The following USP3 variants were observed in gnomAD, a reference collection of about 807,000 sequenced individuals.
USP3 encodes the protein ubiquitin specific peptidase 3.
Under a neutral mutation model 72.3 loss-of-function variants are expected in USP3, and 20 were observed. The observed-to-expected ratio is 0.28, with a 90% CI of 0.19 to 0.40. The LOEUF (loss-of-function observed/expected upper bound fraction) is 0.40. Among genes scored for constraint, USP3 ranks in the 10% least tolerant of loss-of-function variants. The pLI is 1.00. For missense variants in USP3, 479 were observed against 633.9 expected (o/e 0.76, Z 2.62); for synonymous variants, 222 against 225.3 (o/e 0.99, Z 0.13).
At chr15:63,566,647 A>G (rs77892656) in intron 8 of USP3, among the ~76,000 whole-genome samples, 2,520 of 152,278 alleles carry the variant, frequency 0.017, 36 homozygotes, top group South Asian at 0.038. Context: ...TTATTTAACA[A>G]TAGTCTTTTT....
At position 63,558,197 on chromosome 15, in the gene USP3, A is replaced by G; in HGVS notation, c.533+9A>G. 1 of 1,613,896 alleles carries G rather than the reference A, an allele frequency of 6.2e-7. No individual in the cohort carries two copies. The highest frequency in any genetic ancestry group is 8.5e-7 in the Non-Finnish European group (1 of 1,179,956). On this transcript the variant is annotated intron_variant, in intron 6 of 14. Coordinates refer to ENST00000380324, the MANE Select transcript of USP3 (RefSeq NM_006537.4). ...ATCCTTCAGTCACTCAGGTAACGCT[A>G]CAGTCAGAGCTTAAGTGTCTGACAT...
At chr15:63,546,627 T>C (rs2066332311) in intron 3 of USP3, among the ~76,000 whole-genome samples, 1 of 152,096 alleles carries the variant, frequency 6.6e-6, no homozygotes, top group African/African-American at 2.4e-5. Context: ...TGAGATGGAG[T>C]CTTGCTCTGT....
rs111474254 is a variant in USP3 at position 63,587,013 on chromosome 15, C to A, written c.1097-1292C>A. ...GAAGGGGCGCTGTCTGCTACTGTCG[C>A]GGACACAAAGGCTGACTATGGCTTG... is the stretch of plus-strand genomic sequence containing the variant. On this transcript the variant is annotated intron_variant, in intron 11 of 14. Transcript: ENST00000380324. Among the ~76,000 whole-genome samples, 853 of 152,260 alleles carry A rather than the reference C, an allele frequency of 5.6e-3. 6 individuals are homozygous for A. Among genetic ancestry groups the A allele is most frequent in the African/African-American group, 0.02 (814 of 41,556 alleles).
At chr15:63,575,275 C>G (rs969282792) in intron 11 of USP3, among the ~76,000 whole-genome samples, 1 of 150,754 alleles carries the variant, frequency 6.6e-6, no homozygotes, top group Non-Finnish European at 1.5e-5. Context: ...CTTAATCACA[C>G]TTGAACCACA....
rs1392363114 is a variant in USP3, at chr15:63,578,590, C to T, written c.1096+4187C>T. 2.0e-4 allele frequency among the ~76,000 whole-genome samples: 27 copies of T among 136,246 alleles called. 3 individuals are homozygous for T. The highest frequency in any genetic ancestry group is 4.5e-3 in the Middle Eastern group (1 of 220). The allele number at this position is 136,246 out of a possible 152,430, so 89.4% of individuals were successfully genotyped here. ...CGGCGCCACTGCACTCTAGCCTGGG[C>T]GACAGAGCAAGACTCCGTCTCAGAA... On this transcript the variant is annotated intron_variant, in intron 11 of 14. Coordinates refer to ENST00000380324, the MANE Select transcript of USP3 (RefSeq NM_006537.4).
At chr15:63,518,150 A>G (rs547903189) in intron 1 of USP3, among the ~76,000 whole-genome samples, 3 of 152,320 alleles carry the variant, frequency 2.0e-5, no homozygotes, top group Admixed American at 6.5e-5. Context: ...TAAATCATTG[A>G]ACTGAAATTT....
intron 2 of USP3, among the ~76,000 whole-genome samples, chr15:63,534,464 A>G (rs2066124731): frequency 1.3e-5 from 2 of 152,168 alleles, no homozygotes; most frequent in South Asian, 4.1e-4. Flanking sequence ...TGTTATTAGA[A>G]ATTTGTGACA....
intron 3 of USP3, 40 bp downstream of exon 3, chr15:63,537,196 T>TGCAAG: frequency 1.3e-6 from 2 of 1,593,300 alleles, no homozygotes; most frequent in Non-Finnish European, 1.7e-6. Context: ...TCTTACTGTG[T>TGCAAG]GCAAGTGTGC....
chr15:63,508,665 A>G (rs1389277947), intron 1 of USP3, among the ~76,000 whole-genome samples: 2 of 152,178 alleles, frequency 1.3e-5, no homozygotes, highest in Non-Finnish European at 2.9e-5. Context: ...TTTTGTGGGT[A>G]AAAGAGTTTA....
At chr15:63,530,567 C>A (rs994449466) in intron 1 of USP3, 1 of 408,722 alleles carries the variant, frequency 2.4e-6, no homozygotes, top group African/African-American at 2.2e-5. Context: ...CCTGCCTCGG[C>A]CTCCCAAAGT....
chr15:63,583,689 T>C (rs372404628), intron 11 of USP3, among the ~76,000 whole-genome samples: 1 of 152,224 alleles, frequency 6.6e-6, no homozygotes, highest in Non-Finnish European at 1.5e-5. Context: ...CTCTATGAAT[T>C]TGTCTATTCT....
At chr15:63,561,023 G>A (rs928055920) in intron 7 of USP3, among the ~76,000 whole-genome samples, 3 of 152,116 alleles carry the variant, frequency 2.0e-5, no homozygotes, top group African/African-American at 7.2e-5. Context: ...CACAGTGCAG[G>A]GAAACTGGAA....
At chr15:63,532,314 TA>T (rs1465081398) in intron 1 of USP3, among the ~76,000 whole-genome samples, 1 of 152,202 alleles carries the variant, frequency 6.6e-6, no homozygotes, top group Non-Finnish European at 1.5e-5. Flanking sequence ...AAATGTTTTT[TA>T]ATAGGAAAAT....
At chr15:63,530,452 G>A in intron 1 of USP3, 1 of 315,176 alleles carries the variant, frequency 3.2e-6, no homozygotes, top group Non-Finnish European at 6.2e-6. Context: ...GGCTGAGACT[G>A]TAGGCACGTG....
chr15:63,539,070 A>G (rs1182892458), intron 3 of USP3, among the ~76,000 whole-genome samples: 1 of 151,800 alleles, frequency 6.6e-6, no homozygotes, highest in Non-Finnish European at 1.5e-5. Context: ...AGCATTAGCC[A>G]GGCAGTTAAA....
rs759908664 is a variant in USP3 at position 63,530,124 on chromosome 15, G to T, written c.92-2523G>T. On this transcript the variant is annotated intron_variant, in intron 1 of 14. Coordinates refer to ENST00000380324, the MANE Select transcript of USP3 (RefSeq NM_006537.4). ...TGCAATCCAGCCTGGGCGACAGAGT[G>T]AGACCCTTTCTCAAAACAAAACAAA... Among the ~76,000 whole-genome samples the T allele has an allele frequency of 2.3e-4, 35 of 152,104 alleles. 1 individual carries two copies. The highest frequency in any genetic ancestry group is 4.4e-5 in the Non-Finnish European group (3 of 68,016).
chr15:63,588,821 G>T lies in USP3; in HGVS notation c.1329+6G>T, dbSNP rs201536466. On this transcript the variant is annotated splice_donor_region_variant and intron_variant, in intron 13 of 14. Transcript: ENST00000380324. The surrounding 1 kb of genome is among the most constrained non-coding windows in gnomAD (Gnocchi z 4.6). ...TGAAATGCTACTTACTAGAGGTAAG[G>T]TGGTTACCTTTTTAGCATGGTGAAA... 125 of 1,611,244 alleles carry T rather than the reference G, an allele frequency of 7.8e-5. No homozygotes were observed. Among genetic ancestry groups the T allele is most frequent in the Non-Finnish European group, 1.1e-4 (124 of 1,177,398 alleles).
intron 3 of USP3, among the ~76,000 whole-genome samples, chr15:63,547,859 AGAGG>A (rs2066370187): frequency 1.0e-5 from 1 of 97,028 alleles, no homozygotes; most frequent in African/African-American, 4.6e-5. Flanking sequence ...AGAGAGAGAG[AGAGG>A]CATAGAGAGA....
At chr15:63,513,536 C>T (rs62011297) in intron 1 of USP3, among the ~76,000 whole-genome samples, 18,663 of 152,012 alleles carry the variant, frequency 0.12, 1,579 homozygotes, top group South Asian at 0.19. Flanking sequence ...TGTGCCACCA[C>T]GCTCAGCTAA....
Sources: gnomAD v4.1 joint callset for allele counts (sites outside exome capture counted in the v4.1 genomes callset) on GRCh38, gnomAD v4.1.1 for gene constraint, Gnocchi (gnomAD v3.1) non-coding constraint, MANE v1.5 for transcripts, NCBI Gene and HGNC (gene_info 2026-07-23, HGNC 2026-07-21) for gene names.